Variants in UFC1 observed in about 807,000 individuals in gnomAD.
UFC1 encodes ubiquitin-fold modifier conjugating enzyme 1, also known as ubiquitin-fold modifier-conjugating enzyme 1.
UFC1 carries 22 observed loss-of-function variants against 28.0 expected under a neutral mutation model. That is an observed-to-expected ratio of 0.78 (90% CI 0.56 to 1.12). The LOEUF (loss-of-function observed/expected upper bound fraction) is 1.12. Among genes scored for constraint, UFC1 ranks in the 50% most tolerant of loss-of-function variants. UFC1 has a pLI of 0.00. For synonymous variants in UFC1, 61 were observed against 74.5 expected, an observed-to-expected ratio of 0.82 and a Z score of 0.93; for missense variants, 189 against 207.8, an observed-to-expected ratio of 0.91 and a Z score of 0.56.
In UFC1 at chr1:161,158,209, G is replaced by A; in HGVS notation, c.421G>A (p.Gly141Arg). The A allele has an allele frequency of 6.2e-7, 1 of 1,614,116 alleles. No homozygotes were observed. The highest frequency in any genetic ancestry group is 8.5e-7 in the Non-Finnish European group (1 of 1,179,986). The change falls in exon 5 of 6, where the codon GGG becomes AGG. Residue 141 changes from glycine to arginine, a missense_variant and splice_region_variant. Physicochemically the swap from Gly to Arg is moderately radical, Grantham distance 125. Transcript: ENST00000368003. ...KFGLAHLMALGLGPWLAVEIP... is the reference protein window; with the variant it reads ...KFGLAHLMALRLGPWLAVEIP... ...TGGACTAGCTCATCTCATGGCTCTG[G>A]GGGTAAGTTTTGTGTATTTGGCATA...
chr1:161,154,864 A>C (rs1657467108), intron 1 of UFC1, among the ~76,000 whole-genome samples: 1 of 152,210 alleles, frequency 6.6e-6, no homozygotes, highest in African/African-American at 2.4e-5. Context: ...TGGGGAGTTT[A>C]GCTCATAGTT....
intron 5 of UFC1, 40 bp from the exon 6 acceptor site, chr1:161,158,372 T>C (rs372301746): frequency 6.2e-6 from 10 of 1,611,890 alleles, no homozygotes; most frequent in Non-Finnish European, 8.5e-6. Flanking sequence ...CAAGAAGCAT[T>C]GACTGGTAGT....
At position 161,158,849 on chromosome 1, in the gene UFC1, C is replaced by T. The variant is rs866709656; in HGVS notation, c.*357C>T. 14 of 252,976 alleles carry T rather than the reference C, an allele frequency of 5.5e-5. 1 individual carries two copies. The highest frequency in any genetic ancestry group is 1.4e-4 in the Admixed American group (3 of 21,590). The allele number at this position is 252,976 out of a possible 1,614,324, so 15.7% of individuals were successfully genotyped here. A position where few individuals can be genotyped will look rare whatever the true frequency, so the allele number is the denominator to read the frequency against. On this transcript the variant is annotated 3_prime_UTR_variant, in exon 6 of 6. Transcript: ENST00000368003. The stretch of plus-strand genomic sequence containing the variant: ...ATAACCCATCAATAAAAGCTGCTTC[C>T]TCTGGTAGCCTGTGGTTCTCATTGG...
rs200218667 is a variant in UFC1 at position 161,156,962 on chromosome 1, A to G, written c.136A>G (p.Asn46Asp). ...YQSLIRYVEN[N>D]KNADNDWFRL... ...TCTCTGCTTTCAGTATGTGGAGAAC[A>G]ACAAGAATGCTGACAACGATTGGTT... The change falls in exon 2 of 6, where the codon AAC (asparagine) becomes GAC (aspartate). Residue 46 changes from asparagine (N) to aspartate (D), a missense_variant. Physicochemically the swap from Asn to Asp is conservative, Grantham distance 23. Transcript: ENST00000368003. The G allele has an allele frequency of 3.7e-6, 6 of 1,614,244 alleles. No homozygotes were observed. Among genetic ancestry groups the G allele is most frequent in the Non-Finnish European group, 3.4e-6 (4 of 1,180,034 alleles).
Position 161,158,536 on chromosome 1 carries a change from T to C in UFC1, c.*44T>C. ...CAGGGCAGAGGGACCTTTGATAGGC[T>C]ACGATACTATTTTCCTGTGCATCAC... is the stretch of plus-strand genomic sequence containing the variant. On this transcript the variant is annotated 3_prime_UTR_variant, in exon 6 of 6. Transcript: ENST00000368003. 1 of 1,599,468 alleles carries C rather than the reference T, an allele frequency of 6.3e-7. No homozygotes were observed. Among genetic ancestry groups the C allele is most frequent in the Non-Finnish European group, 8.6e-7 (1 of 1,166,906 alleles).
intron 1 of UFC1, among the ~76,000 whole-genome samples, chr1:161,156,640 G>A (rs897357494): frequency 3.8e-4 from 58 of 151,556 alleles, no homozygotes; most frequent in African/African-American, 1.3e-3. Flanking sequence ...TCAGGAGTTC[G>A]AGACCAGCCT....
chr1:161,156,619 A>G (rs976160329), intron 1 of UFC1, among the ~76,000 whole-genome samples: 1 of 151,306 alleles, frequency 6.6e-6, no homozygotes, highest in Non-Finnish European at 1.5e-5. Flanking sequence ...AGGCAGGTTG[A>G]TCACCTGGGG....
rs754464842 is a variant in UFC1, at chr1:161,158,573, C to G, written c.*81C>G. 3.0e-4 allele frequency: 441 copies of G among 1,463,598 alleles called. 2 individuals carry two copies. Among genetic ancestry groups the G allele is most frequent in the Non-Finnish European group, 3.8e-4 (400 of 1,048,978 alleles). 90.7% of individuals were successfully genotyped at this position (1,463,598 alleles called of 1,614,324 possible). A position where few individuals can be genotyped will look rare whatever the true frequency, so the allele number is the denominator to read the frequency against. On this transcript the variant is annotated 3_prime_UTR_variant, in exon 6 of 6. Transcript: ENST00000368003. ...TTCCTGTGCATCACACTTAACTCATCTAACTGCTTCCCCGGACACCCTCCA... is the reference window on the plus strand; with the variant it reads ...TTCCTGTGCATCACACTTAACTCATGTAACTGCTTCCCCGGACACCCTCCA...
In UFC1 at chr1:161,157,334, G is replaced by A. The variant is rs373077112; in HGVS notation, c.255+17G>A. On this transcript the variant is annotated intron_variant, in intron 3 of 5. Coordinates refer to ENST00000368003, the MANE Select transcript of UFC1 (RefSeq NM_016406.4). ...GAGTTTGACGTGAGTGTGATAGAGT[G>A]GGAAATATGAAGGTTAGTAGAAGGG... 4.4e-4 allele frequency: 714 copies of A among 1,613,958 alleles called. No homozygotes were observed. Among genetic ancestry groups the A allele is most frequent in the Non-Finnish European group, 5.8e-4 (686 of 1,179,930 alleles).
chr1:161,158,245 G>A (rs748733627), intron 5 of UFC1, 34 bp downstream of exon 5: 1 of 1,606,838 alleles, frequency 6.2e-7, no homozygotes, highest in Non-Finnish European at 8.5e-7. Context: ...AAAGGAGAAA[G>A]AGGGACTTAG....
In UFC1 at chr1:161,154,036, C is replaced by G. The variant is rs149613806; in HGVS notation, c.39C>G (p.Ile13Met). The G allele has an allele frequency of 6.2e-6, 10 of 1,613,956 alleles. No homozygotes were observed. The African/African-American group carries it at 9.3e-5, about 15-fold the overall frequency. Residue 13 changes from isoleucine (I) to methionine (M), a missense_variant, in exon 1 of 6, where the codon ATC becomes ATG. Physicochemically the swap from Ile to Met is conservative, Grantham distance 10. Coordinates refer to ENST00000368003, the MANE Select transcript of UFC1 (RefSeq NM_016406.4). ...CCACGCGACGTGTTGTGTCTGAGAT[C>G]CCGGTGCTGAAGACTAACGCCGGAC... ...DEATRRVVSE[I>M]PVLKTNAGPR...
Position 161,158,102 on chromosome 1 carries a change from C to T in UFC1, c.333-19C>T. The T allele has an allele frequency of 6.2e-7, 1 of 1,611,270 alleles. No individual in the cohort carries two copies. The highest frequency in any genetic ancestry group is 8.5e-7 in the Non-Finnish European group (1 of 1,177,456). On this transcript the variant is annotated intron_variant, in intron 4 of 5. Transcript: ENST00000368003. ...GGTAAACTTTGCATGTCAACACCTT[C>T]TTCATGTCCCTCTCATAGGGGTGGC...
Position 161,157,323 on chromosome 1 carries a change from T to A in UFC1, c.255+6T>A. ...AGTTTGACATCGAGTTTGACGTGAGTGTGATAGAGTGGGAAATATGAAGGT... is the reference window on the plus strand; with the variant it reads ...AGTTTGACATCGAGTTTGACGTGAGAGTGATAGAGTGGGAAATATGAAGGT... On this transcript the variant is annotated splice_donor_region_variant and intron_variant, in intron 3 of 5. Coordinates refer to ENST00000368003, the MANE Select transcript of UFC1 (RefSeq NM_016406.4). The A allele has an allele frequency of 6.2e-7, 1 of 1,614,078 alleles. No homozygotes were observed. Among genetic ancestry groups the A allele is most frequent in the Non-Finnish European group, 8.5e-7 (1 of 1,179,986 alleles).
Position 161,158,589 on chromosome 1 carries a change from A to T in UFC1, c.*97A>T. ...TTAACTCATCTAACTGCTTCCCCGG[A>T]CACCCTCCACCTCTAGTTGTTACTA... On this transcript the variant is annotated 3_prime_UTR_variant, in exon 6 of 6. Coordinates refer to ENST00000368003, the MANE Select transcript of UFC1 (RefSeq NM_016406.4). 1 of 1,301,968 alleles carries T rather than the reference A, an allele frequency of 7.7e-7. No individual in the cohort carries two copies. Among genetic ancestry groups the T allele is most frequent in the Non-Finnish European group, 1.1e-6 (1 of 911,506 alleles). 80.7% of individuals were successfully genotyped at this position (1,301,968 alleles called of 1,614,324 possible).
chr1:161,157,393 T>A, intron 3 of UFC1, 76 bp downstream of exon 3: 1 of 1,573,718 alleles, frequency 6.4e-7, no homozygotes, highest in Non-Finnish European at 8.7e-7. Context: ...AGCTATCCTT[T>A]CTTGAAGGGA....
chr1:161,156,327 G>C (rs182318447), intron 1 of UFC1, among the ~76,000 whole-genome samples: 150 of 150,672 alleles, frequency 1.0e-3, no homozygotes, highest in African/African-American at 3.5e-3. Flanking sequence ...TCAGGAGATC[G>C]AGACCATCCT....
At chr1:161,157,781 TA>T in intron 4 of UFC1, 88 bp downstream of exon 4, 1 of 1,086,958 alleles carries the variant, frequency 9.2e-7, no homozygotes, top group Non-Finnish European at 1.4e-6. Flanking sequence ...GAAGAATAGC[TA>T]ATGGATGCTT....
chr1:161,158,457 G>A lies in UFC1; in HGVS notation c.469G>A (p.Gly157Ser). 2 of 1,614,172 alleles carry A rather than the reference G, an allele frequency of 1.2e-6. No individual in the cohort carries two copies. The highest frequency in any genetic ancestry group is 1.7e-6 in the Non-Finnish European group (2 of 1,180,032). Residue 157 changes from glycine (G) to serine (S), a missense_variant, in exon 6 of 6, where the codon GGC becomes AGC. Coordinates refer to ENST00000368003, the MANE Select transcript of UFC1 (RefSeq NM_016406.4). ...GGAAATCCCTGATCTGATTCAGAAGGGCGTCATCCAACACAAAGAGAAATG... is the reference window on the plus strand; with the variant it reads ...GGAAATCCCTGATCTGATTCAGAAGAGCGTCATCCAACACAAAGAGAAATG... ...AVEIPDLIQK[G>S]VIQHKEKCNQ
intron 4 of UFC1, 147 bp downstream of exon 4, chr1:161,157,840 C>T (rs1257608838): frequency 4.3e-6 from 3 of 702,442 alleles, no homozygotes; most frequent in East Asian, 2.7e-5. Context: ...ATCACCATGG[C>T]ACGTTTACCT....
Sources: allele counts gnomAD v4.1 joint callset (sites outside exome capture counted in the v4.1 genomes callset), GRCh38; gene constraint gnomAD v4.1.1; transcripts MANE v1.5; gene names NCBI Gene and HGNC (gene_info 2026-07-23, HGNC 2026-07-21).